The following ROBO2 variants were observed in gnomAD, a reference collection of about 807,000 sequenced individuals.
ROBO2 encodes the protein roundabout guidance receptor 2.
In ROBO2, 53 loss-of-function variants were observed where a neutral mutation model predicts 160.8. The ratio of observed to expected loss-of-function variants is 0.33; its 90% CI spans 0.26 to 0.41. The LOEUF (loss-of-function observed/expected upper bound fraction) is 0.41, where lower values mean the gene tolerates loss of function less well. Ranked by LOEUF, ROBO2 falls within the 10% of genes least tolerant of loss-of-function variation. The pLI, the probability that ROBO2 is intolerant of heterozygous loss-of-function variation, is 1.00. For synonymous variants in ROBO2, 664 were observed against 611.7 expected, an observed-to-expected ratio of 1.09 and a Z score of -1.26; for missense variants, 1,577 against 1,722.4, an observed-to-expected ratio of 0.92 and a Z score of 1.49.
intron 2 of ROBO2, among the ~76,000 whole-genome samples, chr3:76,907,646 A>G (rs903887444): frequency 6.6e-6 from 1 of 152,162 alleles, no homozygotes; most frequent in Non-Finnish European, 1.5e-5. Flanking sequence ...TAATATTTTT[A>G]GGGGGTGCCC....
intron 2 of ROBO2, among the ~76,000 whole-genome samples, chr3:76,328,416 T>A (rs542899196): frequency 1.3e-5 from 2 of 152,344 alleles, no homozygotes; most frequent in African/African-American, 4.8e-5. Context: ...AGAATTTCTC[T>A]CAAAATTTGT....
chr3:77,193,601 G>C (rs1186378861), intron 2 of ROBO2, among the ~76,000 whole-genome samples: 1 of 152,092 alleles, frequency 6.6e-6, no homozygotes, highest in Non-Finnish European at 1.5e-5. Flanking sequence ...TAATTTCACA[G>C]ACAAATTTCC....
At chr3:76,097,782 C>G (rs2069515141) in intron 2 of ROBO2, among the ~76,000 whole-genome samples, 1 of 152,024 alleles carries the variant, frequency 6.6e-6, no homozygotes, top group Non-Finnish European at 1.5e-5. Flanking sequence ...TTTTGCTTCC[C>G]CACTTTTTCT....
At chr3:75,994,364 T>C (rs1222880389) in intron 2 of ROBO2, among the ~76,000 whole-genome samples, 2 of 152,212 alleles carry the variant, frequency 1.3e-5, no homozygotes, top group African/African-American at 2.4e-5. Context: ...TGTCAACTTG[T>C]ATTTTAATTC....
At chr3:77,146,954 G>A (rs769905545) in intron 2 of ROBO2, among the ~76,000 whole-genome samples, 6 of 152,040 alleles carry the variant, frequency 3.9e-5, no homozygotes, top group African/African-American at 7.2e-5. Flanking sequence ...GTGACAGAGC[G>A]AGACTCTGTC....
chr3:75,971,064 T>A (rs2107357982), intron 2 of ROBO2, among the ~76,000 whole-genome samples: 1 of 151,482 alleles, frequency 6.6e-6, no homozygotes, highest in African/African-American at 2.4e-5. Flanking sequence ...AAAAAAAATT[T>A]ACTTTTTTTC....
chr3:76,833,619 A>G (rs1437727330), intron 2 of ROBO2, among the ~76,000 whole-genome samples: 1 of 152,198 alleles, frequency 6.6e-6, no homozygotes, highest in Non-Finnish European at 1.5e-5. Flanking sequence ...CTAACATAGA[A>G]TGTTGTTATC....
intron 20 of ROBO2, among the ~76,000 whole-genome samples, chr3:77,605,145 C>G (rs1279228927): frequency 6.9e-6 from 1 of 145,710 alleles, no homozygotes; most frequent in Non-Finnish European, 1.5e-5. Flanking sequence ...GCCTGGGTGA[C>G]AGACTGAGAC....
chr3:75,942,827 A>G (rs1430751390), intron 2 of ROBO2, among the ~76,000 whole-genome samples: 2 of 152,142 alleles, frequency 1.3e-5, no homozygotes, highest in Admixed American at 1.3e-4. Flanking sequence ...TTCAAAATTT[A>G]GTTTCTTGAG....
At chr3:76,869,574 C>T (rs557617049) in intron 2 of ROBO2, among the ~76,000 whole-genome samples, 145 of 151,980 alleles carry the variant, frequency 9.5e-4, no homozygotes, top group Non-Finnish European at 1.9e-3. Flanking sequence ...TGGTCTCGAT[C>T]TCCTGACCTC....
chr3:76,955,182 A>G (rs972911773), intron 2 of ROBO2, among the ~76,000 whole-genome samples: 4 of 152,224 alleles, frequency 2.6e-5, no homozygotes, highest in Non-Finnish European at 4.4e-5. Flanking sequence ...ATTTATTCAT[A>G]TCATAGCATG....
In ROBO2 at chr3:76,523,986, A is replaced by G. The variant is rs73119831; in HGVS notation, c.110-574028A>G. Among the ~76,000 whole-genome samples the G allele has an allele frequency of 8.8e-4, 132 of 149,454 alleles. No homozygotes were observed. In the East Asian group the frequency reaches 0.019, roughly 22 times the overall value. Reference sequence around the variant, plus strand: ...GTGAATATGCTGTGTGTGTGTGTGTATGTGTGTGTGTGTGTGTGTGTGGTG... The same window carrying G: ...GTGAATATGCTGTGTGTGTGTGTGTGTGTGTGTGTGTGTGTGTGTGTGGTG... On this transcript the variant is annotated intron_variant, in intron 2 of 26. Coordinates refer to the ROBO2 transcript ENST00000487694.
At chr3:77,541,239 T>G (rs1284970115) in intron 6 of ROBO2, among the ~76,000 whole-genome samples, 3 of 152,196 alleles carry the variant, frequency 2.0e-5, no homozygotes, top group African/African-American at 7.2e-5. Flanking sequence ...AGTCATATTT[T>G]CCTGTTAAAA....
intron 1 of ROBO2, among the ~76,000 whole-genome samples, chr3:77,070,133 A>G (rs915673709): frequency 6.6e-6 from 1 of 152,132 alleles, no homozygotes; most frequent in African/African-American, 2.4e-5. Flanking sequence ...AGCCCCCAGA[A>G]GCTGGGAGGA....
chr3:76,251,352 G>A (rs1350398030), intron 2 of ROBO2, among the ~76,000 whole-genome samples: 1 of 151,998 alleles, frequency 6.6e-6, no homozygotes, highest in Non-Finnish European at 1.5e-5. Flanking sequence ...GAGATGAGTT[G>A]GTCTCCTTTG....
intron 6 of ROBO2, among the ~76,000 whole-genome samples, chr3:77,524,987 C>T (rs1218082180): frequency 6.6e-6 from 1 of 150,934 alleles, no homozygotes; most frequent in East Asian, 1.9e-4. Context: ...TTATTTTTTA[C>T]CATTAGGAAA....
intron 2 of ROBO2, among the ~76,000 whole-genome samples, chr3:76,559,266 G>A (rs1012641165): frequency 3.3e-5 from 5 of 152,010 alleles, no homozygotes; most frequent in African/African-American, 1.2e-4. Flanking sequence ...CTCTTGCAAT[G>A]ATGCAATATA....
chr3:77,350,151 G>A (rs113457023), intron 2 of ROBO2, among the ~76,000 whole-genome samples: 1,654 of 151,718 alleles, frequency 0.011, 17 homozygotes, highest in Middle Eastern at 0.018. Context: ...GCTCATGCCT[G>A]TAATCTCAGC....
chr3:77,076,369 T>C (rs114322785), intron 1 of ROBO2, among the ~76,000 whole-genome samples: 1,743 of 152,220 alleles, frequency 0.011, 31 homozygotes, highest in African/African-American at 0.038. Flanking sequence ...TAAAACTTCT[T>C]TGGGGAAGGA....
Sources: gnomAD v4.1 joint callset for allele counts (sites outside exome capture counted in the v4.1 genomes callset) on GRCh38, gnomAD v4.1.1 for gene constraint, MANE v1.5 for transcripts, NCBI Gene and HGNC (gene_info 2026-07-23, HGNC 2026-07-21) for gene names.